GTF3C4: variants seen among roughly 807,000 people sequenced by gnomAD.
GTF3C4 encodes the protein general transcription factor 3C polypeptide 4.
In GTF3C4, 28 loss-of-function variants were observed where a neutral mutation model predicts 67.5. The observed-to-expected ratio is 0.41, with a 90% confidence interval of 0.31 to 0.57. The LOEUF (loss-of-function observed/expected upper bound fraction) is 0.57, where lower values mean the gene tolerates loss of function less well. Ranked by LOEUF, GTF3C4 falls within the 20% of genes least tolerant of loss-of-function variation. The pLI is 0.21. For missense variants in GTF3C4, 831 were observed against 1,033.2 expected (o/e 0.80, Z 2.68); for synonymous variants, 409 against 393.0 (o/e 1.04, Z -0.48).
chr9:132,676,101 G>C (rs903907989), intron 1 of GTF3C4, among the ~76,000 whole-genome samples: 4 of 151,190 alleles, frequency 2.6e-5, no homozygotes, highest in Admixed American at 2.0e-4. Context: ...GAGTTTCACC[G>C]TGTTAGCCAG....
intron 2 of GTF3C4, among the ~76,000 whole-genome samples, chr9:132,683,161 C>A (rs1181517496): frequency 6.6e-6 from 1 of 152,186 alleles, no homozygotes; most frequent in African/African-American, 2.4e-5. Flanking sequence ...AGAGATTATG[C>A]TTTTTCTTCT....
chr9:132,684,862 T>C (rs995708100), intron 3 of GTF3C4, among the ~76,000 whole-genome samples: 4 of 152,170 alleles, frequency 2.6e-5, no homozygotes, highest in Non-Finnish European at 5.9e-5. Context: ...CTTGCGTTAT[T>C]ATTTTCCTCC....
chr9:132,672,141 TAGAC>T (rs1168772629), intron 1 of GTF3C4, among the ~76,000 whole-genome samples: 4 of 152,134 alleles, frequency 2.6e-5, no homozygotes, highest in East Asian at 3.8e-4. Context: ...ACAAATCAGA[TAGAC>T]AGATGCAACC....
intron 1 of GTF3C4, among the ~76,000 whole-genome samples, chr9:132,675,078 G>A (rs1835844562): frequency 6.6e-6 from 1 of 152,106 alleles, no homozygotes; most frequent in African/African-American, 2.4e-5. Flanking sequence ...ATTATCATAG[G>A]TAACTTTATT....
At position 132,677,962 on chromosome 9, in the gene GTF3C4, A is replaced by G. The variant is rs765545114; in HGVS notation, c.358-15A>G. The G allele has an allele frequency of 4.5e-6, 7 of 1,568,828 alleles. No homozygotes were observed. Among genetic ancestry groups the G allele is most frequent in the Middle Eastern group, 1.7e-4 (1 of 5,810 alleles). On this transcript the variant is annotated splice_polypyrimidine_tract_variant and intron_variant, in intron 1 of 4. Transcript: ENST00000372146. Reference sequence around the variant, plus strand: ...TAAATGCTCATCTGATAGTTTTTATATCTCTTATTTTCAGGTTGGCTCAAA... The same window carrying G: ...TAAATGCTCATCTGATAGTTTTTATGTCTCTTATTTTCAGGTTGGCTCAAA...
chr9:132,670,395 C>T, upstream of GTF3C4: 1 of 1,148,666 alleles, frequency 8.7e-7, no homozygotes, highest in Non-Finnish European at 1.2e-6. Context: ...CGCTCGCTGT[C>T]CTTTTTCTGG....
At position 132,679,626 on chromosome 9, in the gene GTF3C4, C is replaced by G. The variant is rs745526546; in HGVS notation, c.2007C>G (p.Leu669=). Residue 669 remains leucine, a synonymous_variant, in exon 2 of 5, where the codon CTC becomes CTG. Transcript: ENST00000372146. The surrounding 1 kb of genome is among the most constrained non-coding windows in gnomAD (Gnocchi z 5.9). ...AGGREPMEEK[L]LEIQGKIEAV... is the part of the protein sequence containing the mutation. ...GCCGTGAGCCAATGGAAGAGAAACTCCTGGAAATCCAAGGGAAAATCGAAG... is the reference window on the plus strand; with the variant it reads ...GCCGTGAGCCAATGGAAGAGAAACTGCTGGAAATCCAAGGGAAAATCGAAG... 2 of 1,613,966 alleles carry G rather than the reference C, an allele frequency of 1.2e-6. No individual in the cohort carries two copies. Among genetic ancestry groups the G allele is most frequent in the African/African-American group, 2.7e-5 (2 of 74,900 alleles).
At chr9:132,688,433 TAG>T (rs1210846399) in intron 4 of GTF3C4, among the ~76,000 whole-genome samples, 1 of 152,088 alleles carries the variant, frequency 6.6e-6, no homozygotes, top group African/African-American at 2.4e-5. Context: ...AGCACTGGAG[TAG>T]AGTTTTTCAT....
At chr9:132,687,411 A>T in intron 4 of GTF3C4, 84 bp downstream of exon 4, 1 of 642,682 alleles carries the variant, frequency 1.6e-6, no homozygotes. Flanking sequence ...AGTTCTAGTC[A>T]CGCTCTACAC....
chr9:132,687,866 A>G (rs1836055144), intron 4 of GTF3C4, among the ~76,000 whole-genome samples: 1 of 152,224 alleles, frequency 6.6e-6, no homozygotes, highest in Non-Finnish European at 1.5e-5. Flanking sequence ...TAGTGATTTA[A>G]TAATGACGCA....
At position 132,680,382 on chromosome 9, in the gene GTF3C4, T is replaced by G. The variant is rs192463681; in HGVS notation, c.2184+579T>G. Among the ~76,000 whole-genome samples the G allele has an allele frequency of 3.0e-3, 450 of 152,328 alleles. 4 individuals carry two copies. The highest frequency in any genetic ancestry group is 0.01 in the African/African-American group (426 of 41,582). On this transcript the variant is annotated intron_variant, in intron 2 of 4. Coordinates refer to ENST00000372146, the MANE Select transcript of GTF3C4 (RefSeq NM_012204.4). ...CTTAACAGAGCACTAGGGTTCCCAG[T>G]GCATATTACCACTCAAAGCGTTCTG...
intron 2 of GTF3C4, 71 bp from the exon 3 acceptor site, chr9:132,683,492 G>T: frequency 3.0e-6 from 4 of 1,320,884 alleles, no homozygotes; most frequent in South Asian, 1.4e-5. Flanking sequence ...TTTTCCCTTT[G>T]TGTTTGTAGG....
rs772224377 is a variant in GTF3C4 at position 132,670,721 on chromosome 9, G to T, written c.123G>T (p.Pro41=). 4.6e-6 allele frequency: 7 copies of T among 1,528,458 alleles called. No homozygotes were observed. In the African/African-American group the frequency reaches 7.0e-5, roughly 15 times the overall value. 94.7% of individuals were successfully genotyped at this position (1,528,458 alleles called of 1,614,324 possible). A position where few individuals can be genotyped will look rare whatever the true frequency, so the allele number is the denominator to read the frequency against. The change falls in exon 1 of 5, where the codon CCG becomes CCT. Residue 41 remains proline, a synonymous_variant. Transcript: ENST00000372146. ...GGKEPAADAA[P]GPSAAFRLMV... ...AGGAGCCAGCAGCGGACGCGGCCCC[G>T]GGGCCCAGCGCTGCATTCCGCCTCA... is the stretch of plus-strand genomic sequence containing the variant.
chr9:132,670,913 C>A lies in GTF3C4; in HGVS notation c.315C>A (p.His105Gln), dbSNP rs748691331. 6.2e-7 allele frequency: 1 copy of A among 1,612,520 alleles called. No homozygotes were observed. The highest frequency in any genetic ancestry group is 1.1e-5 in the South Asian group (1 of 91,070). The change falls in exon 1 of 5, where the codon CAC (histidine) becomes CAA (glutamine). Residue 105 changes from histidine (H) to glutamine (Q), a missense_variant. Physicochemically the swap from His to Gln is conservative, Grantham distance 24. This residue lies in a region of GTF3C4 where 237 missense variants were observed against 212.7 expected (regional missense o/e 1.11). Transcript: ENST00000372146. The part of the protein sequence containing the change: ...VHNPGQDLVI[H>Q]RTSVPAPLNS... Reference sequence around the variant, plus strand: ...ACCCGGGCCAGGACCTGGTTATCCACCGCACCTCGGTGCCCGCACCGCTCA... The same window carrying A: ...ACCCGGGCCAGGACCTGGTTATCCAACGCACCTCGGTGCCCGCACCGCTCA...
intron 1 of GTF3C4, 94 bp downstream of exon 1, chr9:132,671,049 C>T: frequency 1.2e-6 from 1 of 848,478 alleles, no homozygotes; most frequent in Non-Finnish European, 1.9e-6. Flanking sequence ...ACACTCTGTC[C>T]GGGGATTTCC....
In GTF3C4 at chr9:132,679,570, G is replaced by T. The variant is rs1343400741; in HGVS notation, c.1951G>T (p.Asp651Tyr). Residue 651 changes from aspartate (D) to tyrosine (Y), a missense_variant, in exon 2 of 5, where the codon GAC becomes TAC. Coordinates refer to ENST00000372146, the MANE Select transcript of GTF3C4 (RefSeq NM_012204.4). The surrounding 1 kb of genome is among the most constrained non-coding windows in gnomAD (Gnocchi z 5.9). The part of the protein sequence containing the change: ...KEGDVEEPTD[D>Y]SLPTTGDAGG... The stretch of plus-strand genomic sequence containing the variant: ...AGGAGATGTAGAGGAGCCCACTGAT[G>T]ACTCGCTCCCCACGACTGGAGATGC... 6.2e-7 allele frequency: 1 copy of T among 1,614,112 alleles called. No individual in the cohort carries two copies. The highest frequency in any genetic ancestry group is 8.5e-7 in the Non-Finnish European group (1 of 1,180,016).
At chr9:132,677,954 G>GT (rs748316048) in intron 1 of GTF3C4, 23 bp from the exon 2 acceptor site, 2 of 1,561,366 alleles carry the variant, frequency 1.3e-6, no homozygotes, top group East Asian at 4.5e-5. Context: ...TCATCTGATA[G>GT]TTTTTATATC....
At chr9:132,670,247 C>T, upstream of GTF3C4, 4 of 1,525,218 alleles carry the variant, frequency 2.6e-6, no homozygotes, top group East Asian at 2.3e-5. Context: ...GATCCGGCGC[C>T]ATCTCACCGA....
At chr9:132,674,271 T>C (rs987573382) in intron 1 of GTF3C4, among the ~76,000 whole-genome samples, 2 of 152,266 alleles carry the variant, frequency 1.3e-5, no homozygotes, top group African/African-American at 2.4e-5. Flanking sequence ...AATGATTGGC[T>C]GCGGGCAGGC....
Sources: allele counts gnomAD v4.1 joint callset (sites outside exome capture counted in the v4.1 genomes callset), GRCh38; gene constraint gnomAD v4.1.1; regional missense constraint gnomAD v4.1.1; non-coding constraint Gnocchi (gnomAD v3.1); transcripts MANE v1.5; gene names NCBI Gene and HGNC (gene_info 2026-07-23, HGNC 2026-07-21).